The following RBMS3 variants were observed in gnomAD, a reference collection of about 807,000 sequenced individuals.
RBMS3 encodes RNA binding motif single stranded interacting protein 3.
A neutral mutation model predicts 66.8 loss-of-function variants in RBMS3; 27 were observed. The observed-to-expected ratio is 0.40, with a 90% CI of 0.30 to 0.56. The LOEUF (loss-of-function observed/expected upper bound fraction) is 0.56, where lower values mean the gene tolerates loss of function less well. Ranked by LOEUF, RBMS3 falls within the 20% of genes least tolerant of loss-of-function variation. The pLI is 0.40. For missense variants in RBMS3, 513 were observed against 549.5 expected (o/e 0.93, Z 0.66); for synonymous variants, 188 against 183.0 (o/e 1.03, Z -0.22).
chr3:29,380,314 T>C (rs1413125257), intron 1 of RBMS3, among the ~76,000 whole-genome samples: 1 of 152,126 alleles, frequency 6.6e-6, no homozygotes, highest in African/African-American at 2.4e-5. Flanking sequence ...TTTATAACAT[T>C]AGCTTATTAT....
intron 12 of RBMS3, among the ~76,000 whole-genome samples, chr3:29,952,304 T>A (rs1327317859): frequency 6.6e-6 from 1 of 151,880 alleles, no homozygotes; most frequent in Admixed American, 6.6e-5. Context: ...AAATTTTATG[T>A]AAATCCATTT....
intron 3 of RBMS3, among the ~76,000 whole-genome samples, chr3:29,544,141 A>T (rs372414337): frequency 6.6e-6 from 1 of 152,264 alleles, no homozygotes; most frequent in South Asian, 2.1e-4. Context: ...TCTATCTTAC[A>T]TTGTGACTTT....
Position 29,527,727 on chromosome 3 carries a change from T to G in RBMS3, c.307+39228T>G, listed in dbSNP as rs572962240. ...TTTTCACACAGAAATAGCAGATACA[T>G]TGGTGTGCTGCACCCATTAACTTGT... On this transcript the variant is annotated intron_variant, in intron 3 of 14. Transcript: ENST00000383767. 2.0e-5 allele frequency among the ~76,000 whole-genome samples: 3 copies of G among 152,252 alleles called. No homozygotes were observed. The East Asian group carries it at 5.8e-4, about 29-fold the overall frequency.
intron 4 of RBMS3, 28 bp downstream of exon 4, chr3:29,587,233 T>TG: frequency 1.4e-6 from 1 of 706,712 alleles, no homozygotes; most frequent in Non-Finnish European, 2.0e-6. Context: ...GGGTGTTTTT[T>TG]TTTTTTTTTT....
chr3:29,976,325 C>G (rs1481267463), intron 12 of RBMS3, among the ~76,000 whole-genome samples: 5 of 152,016 alleles, frequency 3.3e-5, no homozygotes, highest in African/African-American at 1.2e-4. Context: ...ACTTTCACTC[C>G]CAGTAGAAGT....
intron 4 of RBMS3, among the ~76,000 whole-genome samples, chr3:29,685,307 C>T (rs571689499): frequency 7.2e-5 from 11 of 152,128 alleles, no homozygotes; most frequent in East Asian, 1.9e-4. Context: ...GTGATCCGCC[C>T]GCCTCGACCT....
intron 4 of RBMS3, among the ~76,000 whole-genome samples, chr3:29,673,934 G>A (rs1200621760): frequency 1.3e-5 from 2 of 152,080 alleles, no homozygotes; most frequent in Admixed American, 1.3e-4. Context: ...ACCAAAGCCT[G>A]GCAGAGATAC....
chr3:29,606,770 G>T (rs2048331940), intron 4 of RBMS3, among the ~76,000 whole-genome samples: 1 of 151,774 alleles, frequency 6.6e-6, no homozygotes, highest in South Asian at 2.1e-4. Context: ...TTATCTTCTA[G>T]TGCTCACTTG....
At chr3:29,486,937 A>G (rs1403468605) in intron 2 of RBMS3, among the ~76,000 whole-genome samples, 1 of 151,726 alleles carries the variant, frequency 6.6e-6, no homozygotes, top group Non-Finnish European at 1.5e-5. Flanking sequence ...TCTTTTTCTG[A>G]TTTTTACTTC....
intron 10 of RBMS3, among the ~76,000 whole-genome samples, chr3:29,914,416 C>T (rs9881546): frequency 0.015 from 2,300 of 151,942 alleles, 60 homozygotes; most frequent in African/African-American, 0.051. Context: ...ACTTATGAGT[C>T]ATTTATTCCT....
chr3:29,874,174 A>T (rs569333303), intron 7 of RBMS3, among the ~76,000 whole-genome samples: 2 of 152,324 alleles, frequency 1.3e-5, no homozygotes, highest in East Asian at 3.9e-4. Flanking sequence ...CAGTCTGGGA[A>T]CACAACATTT....
chr3:29,427,338 T>C (rs2125711579), intron 1 of RBMS3, among the ~76,000 whole-genome samples: 1 of 152,364 alleles, frequency 6.6e-6, no homozygotes, highest in Admixed American at 6.5e-5. Context: ...CCTTAGATAT[T>C]AATTTAGCTG....
At chr3:29,562,168 A>G (rs1400479370) in intron 3 of RBMS3, among the ~76,000 whole-genome samples, 1 of 152,194 alleles carries the variant, frequency 6.6e-6, no homozygotes, top group Non-Finnish European at 1.5e-5. Flanking sequence ...TTGTTTGTTT[A>G]CAACAGCCAG....
rs533795470 is a variant in RBMS3 at position 29,882,069 on chromosome 3, G to T, written c.745-2093G>T. Among the ~76,000 whole-genome samples the T allele has an allele frequency of 2.6e-5, 4 of 152,206 alleles. No homozygotes were observed. In the East Asian group the frequency reaches 7.8e-4, roughly 30 times the overall value. ...ATTCTGCCTGCAGTGCCGCATCTTG[G>T]ATAAATTAGGGGAGAGAAGCTTAGT... On this transcript the variant is annotated intron_variant, in intron 7 of 14. Coordinates refer to ENST00000383767, the MANE Select transcript of RBMS3 (RefSeq NM_001003793.3).
intron 14 of RBMS3, among the ~76,000 whole-genome samples, chr3:29,999,066 GA>G (rs1366775221): frequency 6.7e-6 from 1 of 149,648 alleles, no homozygotes; most frequent in Non-Finnish European, 1.5e-5. Context: ...ACTCAAACTA[GA>G]AAAAAACAAA....
chr3:29,425,323 G>A (rs2040913315), intron 1 of RBMS3, among the ~76,000 whole-genome samples: 1 of 151,486 alleles, frequency 6.6e-6, no homozygotes, highest in Non-Finnish European at 1.5e-5. Context: ...GCAGTGAGCC[G>A]AGATTGTGCC....
At chr3:29,824,099 G>A (rs138885997) in intron 6 of RBMS3, among the ~76,000 whole-genome samples, 219 of 151,890 alleles carry the variant, frequency 1.4e-3, no homozygotes, top group African/African-American at 5.1e-3. Context: ...TGGTCTTAAT[G>A]TTTATGTCCC....
chr3:29,341,039 T>C (rs2036252267), intron 1 of RBMS3, among the ~76,000 whole-genome samples: 1 of 152,064 alleles, frequency 6.6e-6, no homozygotes, highest in Non-Finnish European at 1.5e-5. Context: ...CTTGCAGTGA[T>C]TAAGGAGAGC....
At chr3:29,654,699 T>A (rs1559540842) in intron 4 of RBMS3, among the ~76,000 whole-genome samples, 1 of 147,848 alleles carries the variant, frequency 6.8e-6, no homozygotes, top group Non-Finnish European at 1.5e-5. Context: ...CAAGTGATTC[T>A]CTCACCTCAG....
Sources: allele counts gnomAD v4.1 joint callset (sites outside exome capture counted in the v4.1 genomes callset), GRCh38; gene constraint gnomAD v4.1.1; transcripts MANE v1.5; gene names NCBI Gene and HGNC (gene_info 2026-07-23, HGNC 2026-07-21).